LINGO2: variants seen among roughly 807,000 people sequenced by gnomAD.
LINGO2 encodes leucine rich repeat and Ig domain containing 2.
Under a neutral mutation model 30.6 loss-of-function variants are expected in LINGO2, and 14 were observed. The observed-to-expected ratio is 0.46, with a 90% confidence interval of 0.30 to 0.72. The LOEUF is 0.72. Ranked by LOEUF, LINGO2 falls within the 30% of genes least tolerant of loss-of-function variation. LINGO2 has a pLI of 0.07. For synonymous variants in LINGO2, 317 were observed against 288.5 expected, an observed-to-expected ratio of 1.10 and a Z score of -1.00; for missense variants, 729 against 751.7, an observed-to-expected ratio of 0.97 and a Z score of 0.35.
chr9:28,272,652 A>G (rs768863403), intron 4 of LINGO2, among the ~76,000 whole-genome samples: 2 of 151,942 alleles, frequency 1.3e-5, no homozygotes, highest in Non-Finnish European at 2.9e-5. Flanking sequence ...AATTCCCTTT[A>G]TTCTTTTTCT....
chr9:28,334,448 T>C (rs1179561957), intron 3 of LINGO2, among the ~76,000 whole-genome samples: 4 of 152,138 alleles, frequency 2.6e-5, no homozygotes, highest in Non-Finnish European at 5.9e-5. Flanking sequence ...TAAAATAGTA[T>C]GGGTTTAGGT....
At chr9:28,281,213 G>T (rs923618673) in intron 4 of LINGO2, among the ~76,000 whole-genome samples, 1 of 152,014 alleles carries the variant, frequency 6.6e-6, no homozygotes, top group Non-Finnish European at 1.5e-5. Context: ...CTGCTAGCAG[G>T]AAGATAACTT....
chr9:28,517,574 A>G, intron 1 of LINGO2, among the ~76,000 whole-genome samples: 1 of 152,196 alleles, frequency 6.6e-6, no homozygotes, highest in East Asian at 1.9e-4. Flanking sequence ...AAAAACTGGT[A>G]AATTGCATTT....
At chr9:27,970,193 A>G (rs958645861) in intron 5 of LINGO2, among the ~76,000 whole-genome samples, 1 of 152,142 alleles carries the variant, frequency 6.6e-6, no homozygotes, top group South Asian at 2.1e-4. Context: ...CACTGTGTGT[A>G]GTAATGCTGG....
At chr9:28,685,842 C>G in the LINGO2 span, among the ~76,000 whole-genome samples, 2 of 152,020 alleles carry the variant, frequency 1.3e-5, no homozygotes, top group Non-Finnish European at 2.9e-5. Flanking sequence ...TCCTCACCAT[C>G]CCTCAAATTC....
chr9:28,886,670 A>G, the LINGO2 span, among the ~76,000 whole-genome samples: 1 of 152,118 alleles, frequency 6.6e-6, no homozygotes, highest in African/African-American at 2.4e-5. Flanking sequence ...TTTACAGGTG[A>G]AAGTCTGTTT....
At chr9:28,531,090 G>A (rs1203087879) in intron 1 of LINGO2, among the ~76,000 whole-genome samples, 1 of 148,536 alleles carries the variant, frequency 6.7e-6, no homozygotes, top group Non-Finnish European at 1.5e-5. Flanking sequence ...AAATTAATAA[G>A]ACTGGCATCT....
At chr9:28,611,903 C>G (rs1052504593) in intron 1 of LINGO2, among the ~76,000 whole-genome samples, 2 of 151,950 alleles carry the variant, frequency 1.3e-5, no homozygotes, top group African/African-American at 4.8e-5. Flanking sequence ...TCACTGCAAG[C>G]TCCGCCTCCC....
At chr9:28,284,257 A>T (rs1823428367) in intron 4 of LINGO2, among the ~76,000 whole-genome samples, 1 of 152,108 alleles carries the variant, frequency 6.6e-6, no homozygotes, top group African/African-American at 2.4e-5. Flanking sequence ...GACTTTGCTG[A>T]TGTTGGGTGA....
chr9:28,467,152 A>G (rs574793430), intron 2 of LINGO2, among the ~76,000 whole-genome samples: 2 of 152,060 alleles, frequency 1.3e-5, no homozygotes, highest in African/African-American at 4.8e-5. Flanking sequence ...CAGCCTCCCG[A>G]GTAGCTGGGA....
chr9:28,774,577 T>C, the LINGO2 span, among the ~76,000 whole-genome samples: 6 of 150,038 alleles, frequency 4.0e-5, no homozygotes, highest in African/African-American at 1.5e-4. Context: ...AAAGATATCT[T>C]GTCAGCTCTG....
At chr9:29,196,076 G>A in the LINGO2 span, among the ~76,000 whole-genome samples, 1,428 of 152,166 alleles carry the variant, frequency 9.4e-3, 14 homozygotes, top group African/African-American at 0.032. Flanking sequence ...ACAGGTTTTG[G>A]ACATATTGTA....
At chr9:28,986,262 T>C in the LINGO2 span, among the ~76,000 whole-genome samples, 3 of 152,038 alleles carry the variant, frequency 2.0e-5, no homozygotes, top group Non-Finnish European at 4.4e-5. Flanking sequence ...CAGTACCATG[T>C]TATTTTAATT....
exon 6 of LINGO2, chr9:27,948,579 C>T: frequency 2.7e-6 from 1 of 368,958 alleles, no homozygotes; most frequent in Non-Finnish European, 4.8e-6. Context: ...GAGTGTGAGC[C>T]AAATATTCAG....
At chr9:28,457,113 G>T (rs553009976) in intron 2 of LINGO2, among the ~76,000 whole-genome samples, 31 of 152,216 alleles carry the variant, frequency 2.0e-4, no homozygotes, top group African/African-American at 7.2e-4. Flanking sequence ...AGACAGTCAA[G>T]TTGTGCACAT....
At chr9:28,272,838 G>A (rs1354928568) in intron 4 of LINGO2, among the ~76,000 whole-genome samples, 2 of 152,048 alleles carry the variant, frequency 1.3e-5, no homozygotes, top group African/African-American at 4.8e-5. Context: ...AGCAGCCAAT[G>A]AGGAAAATTA....
intron 1 of LINGO2, among the ~76,000 whole-genome samples, chr9:28,544,498 G>T (rs565568498): frequency 1.3e-5 from 2 of 152,118 alleles, no homozygotes; most frequent in South Asian, 4.2e-4. Flanking sequence ...TCATGTTCAT[G>T]ACTTCTGTTG....
rs868590819 is a variant in LINGO2 at position 28,097,120 on chromosome 9, C to A, written c.-86-84715G>T. 1.5e-4 allele frequency among the ~76,000 whole-genome samples: 23 copies of A among 152,050 alleles called. No individual in the cohort carries two copies. In the Middle Eastern group the frequency reaches 0.02, roughly 135 times the overall value. On this transcript the variant is annotated intron_variant, in intron 4 of 5. Transcript: ENST00000379992. ...CACTGGCCATCAGAGAAATGCAAATCAAAACCACAATGAGATACCATCTCA... is the reference window on the plus strand; with the variant it reads ...CACTGGCCATCAGAGAAATGCAAATAAAAACCACAATGAGATACCATCTCA...
In LINGO2 at chr9:27,971,546, C is replaced by A. The variant is rs551758890; in HGVS notation, c.-35-20840G>T. 1.1e-4 allele frequency among the ~76,000 whole-genome samples: 17 copies of A among 152,166 alleles called. 1 individual carries two copies. The South Asian group carries it at 3.5e-3, about 32-fold the overall frequency. On this transcript the variant is annotated intron_variant, in intron 5 of 5. Coordinates refer to ENST00000379992, the Ensembl canonical transcript of LINGO2. ...TACAGCTGTGCATCACCACGCCTGG[C>A]TAATTTTTTTTCTTGTATGTTTAGT...
Sources: allele counts gnomAD v4.1 joint callset (sites outside exome capture counted in the v4.1 genomes callset), GRCh38; gene constraint gnomAD v4.1.1; transcripts MANE v1.5; gene names NCBI Gene and HGNC (gene_info 2026-07-23, HGNC 2026-07-21).